Variants in GREM2 observed in about 807,000 individuals in gnomAD.
GREM2 encodes the protein gremlin 2, DAN family BMP antagonist, also known as gremlin-2.
Under a neutral mutation model 14.2 loss-of-function variants are expected in GREM2, and 11 were observed. That is an observed-to-expected ratio of 0.78 (90% CI 0.49 to 1.28). The LOEUF (loss-of-function observed/expected upper bound fraction) is 1.28. Among genes scored for constraint, GREM2 ranks in the 50% most tolerant of loss-of-function variants. The pLI, the probability that GREM2 is intolerant of heterozygous loss-of-function variation, is 0.00. For missense variants in GREM2, 210 were observed against 218.5 expected, an observed-to-expected ratio of 0.96 and a Z score of 0.24; for synonymous variants, 98 against 97.6, an observed-to-expected ratio of 1.00 and a Z score of -0.02.
At chr1:240,582,752 A>G (rs1679514767) in intron 1 of GREM2, among the ~76,000 whole-genome samples, 1 of 151,076 alleles carries the variant, frequency 6.6e-6, no homozygotes, top group Non-Finnish European at 1.5e-5. Context: ...AGCCAAGATC[A>G]CACAATTGCA....
intron 1 of GREM2, among the ~76,000 whole-genome samples, chr1:240,493,888 GC>G (rs1677336947): frequency 2.0e-5 from 3 of 152,218 alleles, no homozygotes; most frequent in Non-Finnish European, 1.5e-5. Flanking sequence ...ACTGATGGCT[GC>G]CCAGGGGCAG....
chr1:240,499,347 A>T (rs1272654124), intron 1 of GREM2, among the ~76,000 whole-genome samples: 2 of 152,130 alleles, frequency 1.3e-5, no homozygotes, highest in Non-Finnish European at 2.9e-5. Flanking sequence ...TGGGGCTGAA[A>T]CTTTTTCTAC....
At chr1:240,556,799 A>G (rs183194427) in intron 1 of GREM2, among the ~76,000 whole-genome samples, 1 of 152,334 alleles carries the variant, frequency 6.6e-6, no homozygotes, top group African/African-American at 2.4e-5. Context: ...AAACAAAATG[A>G]CAAAAATGCA....
intron 1 of GREM2, among the ~76,000 whole-genome samples, chr1:240,548,510 T>C (rs2103335199): frequency 1.3e-5 from 2 of 152,312 alleles, no homozygotes; most frequent in South Asian, 4.1e-4. Context: ...TCAAAATCTT[T>C]AGGTTTGGGT....
At chr1:240,519,445 C>CA (rs1219619077) in intron 1 of GREM2, among the ~76,000 whole-genome samples, 1 of 151,704 alleles carries the variant, frequency 6.6e-6, no homozygotes, top group Non-Finnish European at 1.5e-5. Context: ...CACCGTTTTC[C>CA]AAAAATAAAA....
At chr1:240,528,003 A>G (rs1002923540) in intron 1 of GREM2, among the ~76,000 whole-genome samples, 1 of 152,220 alleles carries the variant, frequency 6.6e-6, no homozygotes, top group African/African-American at 2.4e-5. Flanking sequence ...ATTTTCAGAG[A>G]TACAGAAAAT....
chr1:240,558,903 A>AT (rs1481225720), intron 1 of GREM2, among the ~76,000 whole-genome samples: 1 of 152,028 alleles, frequency 6.6e-6, no homozygotes, highest in Non-Finnish European at 1.5e-5. Flanking sequence ...GAAGAGTAGT[A>AT]TTTTTTCTTT....
At chr1:240,587,087 C>A (rs1219716158) in intron 1 of GREM2, among the ~76,000 whole-genome samples, 1 of 151,976 alleles carries the variant, frequency 6.6e-6, no homozygotes, top group Non-Finnish European at 1.5e-5. Flanking sequence ...TTTTCCTATT[C>A]TGAAGTTAAG....
rs567718335 is a variant in GREM2 at position 240,592,953 on chromosome 1, G to A, written c.-2+18931C>T. On this transcript the variant is annotated intron_variant, in intron 1 of 1. Transcript: ENST00000318160. ...GTTCGAGACCAGCCTGATCAACATG[G>A]TGAAACCCCGTCTCTATTAAAACTA... is the stretch of plus-strand genomic sequence containing the variant. Among the ~76,000 whole-genome samples the A allele has an allele frequency of 2.3e-3, 338 of 149,834 alleles. 1 individual carries two copies. Among genetic ancestry groups the A allele is most frequent in the Admixed American group, 3.9e-3 (58 of 14,940 alleles).
At chr1:240,610,076 C>G (rs1445682839) in intron 1 of GREM2, among the ~76,000 whole-genome samples, 2 of 152,138 alleles carry the variant, frequency 1.3e-5, no homozygotes, top group African/African-American at 4.8e-5. Context: ...ATCCGTCTCA[C>G]ACTCACAAAG....
intron 1 of GREM2, among the ~76,000 whole-genome samples, chr1:240,597,268 C>A (rs1160802448): frequency 6.6e-6 from 1 of 152,222 alleles, no homozygotes; most frequent in African/African-American, 2.4e-5. Flanking sequence ...CACTCCTGAG[C>A]TACAAGCAAG....
intron 1 of GREM2, among the ~76,000 whole-genome samples, chr1:240,592,848 T>C (rs1003946344): frequency 1.3e-5 from 2 of 151,966 alleles, no homozygotes; most frequent in African/African-American, 4.8e-5. Context: ...GTCTAGGTAA[T>C]CTTGGCCGGG....
At chr1:240,603,844 A>G (rs548784319) in intron 1 of GREM2, among the ~76,000 whole-genome samples, 2 of 151,680 alleles carry the variant, frequency 1.3e-5, no homozygotes, top group South Asian at 4.2e-4. Flanking sequence ...TTATATATAT[A>G]TATATGCTAT....
intron 1 of GREM2, among the ~76,000 whole-genome samples, chr1:240,570,251 C>T (rs147419157): frequency 0.013 from 2,030 of 152,182 alleles, 43 homozygotes; most frequent in African/African-American, 0.046. Context: ...ATCACGAGAT[C>T]AAGAGACCAA....
At chr1:240,560,942 C>A (rs756784410) in intron 1 of GREM2, among the ~76,000 whole-genome samples, 27 of 152,252 alleles carry the variant, frequency 1.8e-4, no homozygotes, top group Non-Finnish European at 2.9e-4. Context: ...ACCTAAAATG[C>A]AAACATTTCC....
intron 1 of GREM2, among the ~76,000 whole-genome samples, chr1:240,547,669 T>A (rs1321184354): frequency 6.6e-6 from 1 of 151,692 alleles, no homozygotes; most frequent in Non-Finnish European, 1.5e-5. Context: ...AAACCTGGAT[T>A]TGATCTTGTA....
At chr1:240,518,573 TAAC>T (rs1349029228) in intron 1 of GREM2, among the ~76,000 whole-genome samples, 6 of 152,332 alleles carry the variant, frequency 3.9e-5, no homozygotes, top group African/African-American at 1.2e-4. Flanking sequence ...AGTCAAGAGT[TAAC>T]AACTGACATC....
intron 1 of GREM2, among the ~76,000 whole-genome samples, chr1:240,578,111 C>T (rs1462210778): frequency 2.0e-5 from 3 of 152,004 alleles, no homozygotes; most frequent in Non-Finnish European, 2.9e-5. Flanking sequence ...CTACTCTCTG[C>T]CTTTGTAAGA....
rs553101174 is a variant in GREM2, at chr1:240,565,154, T to G, written c.-2+46730A>C. Among the ~76,000 whole-genome samples, 90 of 152,318 alleles carry G rather than the reference T, an allele frequency of 5.9e-4. 1 individual carries two copies. The highest frequency in any genetic ancestry group is 1.1e-3 in the Non-Finnish European group (77 of 68,030). On this transcript the variant is annotated intron_variant, in intron 1 of 1. Transcript: ENST00000318160. The stretch of plus-strand genomic sequence containing the variant: ...TTTACATGGATAGGGGATACCTTAT[T>G]GTTGAATGTGTGATTGTGGGGTTTG...
Sources: gnomAD v4.1 joint callset for allele counts (sites outside exome capture counted in the v4.1 genomes callset) on GRCh38, gnomAD v4.1.1 for gene constraint, MANE v1.5 for transcripts, NCBI Gene and HGNC (gene_info 2026-07-23, HGNC 2026-07-21) for gene names.